The following MTCL1 variants were observed in gnomAD, a reference collection of about 807,000 sequenced individuals.
MTCL1 encodes the protein microtubule cross-linking factor 1.
In MTCL1, 79 loss-of-function variants were observed where a neutral mutation model predicts 141.4. That is an observed-to-expected ratio of 0.56 (90% CI 0.47 to 0.67). MTCL1 has a LOEUF of 0.67. MTCL1 is among the 30% of genes least tolerant of loss of function. MTCL1 has a pLI of 0.00. For missense variants in MTCL1, 2,177 were observed against 2,113.9 expected (o/e 1.03, Z -0.59); for synonymous variants, 914 against 875.8 (o/e 1.04, Z -0.77).
At position 8,705,901 on chromosome 18, in the gene MTCL1, G is replaced by A; in HGVS notation, c.241G>A (p.Ala81Thr). The A allele has an allele frequency of 9.1e-7, 1 of 1,098,016 alleles. No homozygotes were observed. Among genetic ancestry groups the A allele is most frequent in the Non-Finnish European group, 1.1e-6 (1 of 903,342 alleles). 68.0% of individuals were successfully genotyped at this position (1,098,016 alleles called of 1,614,324 possible). ...CGCCGCCCCGCGCTCGCCCAACCTC[G>A]CGGGCAAAGCGCCGCCCTCGCCGGG... is the stretch of plus-strand genomic sequence containing the variant. Residue 81 changes from alanine to threonine, a missense_variant, in exon 1 of 14, where the codon GCG becomes ACG. Coordinates refer to the MTCL1 transcript ENST00000306329. The surrounding 1 kb of genome is among the most constrained non-coding windows in gnomAD (Gnocchi z 5.2).
chr18:8,762,116 A>C (rs1334149366), intron 4 of MTCL1, among the ~76,000 whole-genome samples: 1 of 152,080 alleles, frequency 6.6e-6, no homozygotes, highest in Admixed American at 6.5e-5. Flanking sequence ...CCTTCTGGTG[A>C]TTGTGAATTG....
chr18:8,786,476 T>G, intron 7 of MTCL1: 7 of 401,168 alleles, frequency 1.7e-5, no homozygotes, highest in Non-Finnish European at 3.0e-5. Flanking sequence ...CTCCTTAGAG[T>G]TCCCCTTTTC....
chr18:8,776,184 G>A (rs2096507609), intron 4 of MTCL1, among the ~76,000 whole-genome samples: 1 of 152,204 alleles, frequency 6.6e-6, no homozygotes, highest in African/African-American at 2.4e-5. Context: ...AGAGGGGAGG[G>A]AGGTGGGCGT....
chr18:8,809,357 C>G, intron 11 of MTCL1: 1 of 1,462,284 alleles, frequency 6.8e-7, no homozygotes, highest in Non-Finnish European at 9.2e-7. Flanking sequence ...ACATAGGCAA[C>G]AAGCCCAACA....
At chr18:8,800,907 C>G (rs1380044537) in intron 10 of MTCL1, 1 of 55,792 alleles carries the variant, frequency 1.8e-5, no homozygotes, top group Non-Finnish European at 3.8e-5. Flanking sequence ...AGTAAAACAA[C>G]TAAGTAAAAA....
At chr18:8,726,849 G>GT (rs1455112395) in intron 4 of MTCL1, among the ~76,000 whole-genome samples, 3 of 152,186 alleles carry the variant, frequency 2.0e-5, no homozygotes, top group Non-Finnish European at 4.4e-5. Flanking sequence ...TGCTGCATGA[G>GT]TATCTTGCAT....
chr18:8,799,732 A>G (rs980698071), intron 10 of MTCL1, among the ~76,000 whole-genome samples: 1 of 152,236 alleles, frequency 6.6e-6, no homozygotes. Flanking sequence ...CGTGTTTCCC[A>G]CGCATTCACG....
exon 6 of MTCL1, chr18:8,783,699 C>A (rs1461250430): frequency 6.2e-7 from 1 of 1,608,682 alleles, no homozygotes; most frequent in Admixed American, 1.7e-5. Context: ...ACGGGGGAAG[C>A]AGGCGGGCCC....
chr18:8,820,479 G>C (rs2144378737), intron 13 of MTCL1, among the ~76,000 whole-genome samples: 1 of 152,266 alleles, frequency 6.6e-6, no homozygotes, highest in East Asian at 1.9e-4. Flanking sequence ...CTATCATTTG[G>C]TCTCCTAAAC....
At chr18:8,792,542 G>GA (rs535526143) in intron 7 of MTCL1, among the ~76,000 whole-genome samples, 540 of 152,242 alleles carry the variant, frequency 3.5e-3, no homozygotes, top group African/African-American at 0.013. Context: ...GAAAGCATAT[G>GA]AAAAAATTAA....
At chr18:8,791,997 T>C (rs1190461679) in intron 7 of MTCL1, among the ~76,000 whole-genome samples, 2 of 152,186 alleles carry the variant, frequency 1.3e-5, no homozygotes, top group Admixed American at 6.5e-5. Context: ...TTGCATTTTC[T>C]GTTCTTGGGT....
chr18:8,714,035 C>T (rs1418689912), upstream of MTCL1, among the ~76,000 whole-genome samples: 6 of 152,198 alleles, frequency 3.9e-5, no homozygotes, highest in East Asian at 1.9e-4. Flanking sequence ...TGCTTTGTGT[C>T]GTCACTTGTC....
At chr18:8,739,543 A>G (rs1330700605) in intron 4 of MTCL1, among the ~76,000 whole-genome samples, 1 of 152,160 alleles carries the variant, frequency 6.6e-6, no homozygotes. Context: ...ATCAACAACA[A>G]CATCTTTCAT....
chr18:8,720,399 C>T (rs374627418), exon 4 of MTCL1: 3 of 1,613,926 alleles, frequency 1.9e-6, no homozygotes, highest in African/African-American at 2.7e-5. Context: ...GAAAAGCGCG[C>T]TAAAGCTGAG....
exon 1 of MTCL1, chr18:8,706,352 G>A: frequency 8.1e-7 from 1 of 1,230,560 alleles, no homozygotes; most frequent in Non-Finnish European, 1.0e-6. Context: ...CCTGCCGCCA[G>A]CAGCGACGCC....
chr18:8,743,465 G>T (rs140846033), intron 4 of MTCL1, among the ~76,000 whole-genome samples: 1 of 152,180 alleles, frequency 6.6e-6, no homozygotes, highest in Admixed American at 6.5e-5. Flanking sequence ...GGCTTAAAAC[G>T]ACACAAATTT....
intron 11 of MTCL1, among the ~76,000 whole-genome samples, chr18:8,808,784 A>C (rs1209805564): frequency 1.3e-5 from 2 of 152,258 alleles, no homozygotes; most frequent in Non-Finnish European, 2.9e-5. Context: ...AACATCCAGC[A>C]ACAAATCAGA....
intron 6 of MTCL1, 23 bp from the exon 6 acceptor site, chr18:8,785,913 A>C (rs748487832): frequency 1.2e-5 from 18 of 1,547,872 alleles, no homozygotes; most frequent in Non-Finnish European, 1.6e-5. Flanking sequence ...AACAACAACA[A>C]ATTCCTCCCG....
intron 13 of MTCL1, among the ~76,000 whole-genome samples, chr18:8,820,313 G>A (rs1387188116): frequency 6.6e-6 from 1 of 152,108 alleles, no homozygotes; most frequent in African/African-American, 2.4e-5. Context: ...GGGAGACTGA[G>A]GCAGGAGAAT....
Sources: allele counts gnomAD v4.1 joint callset (sites outside exome capture counted in the v4.1 genomes callset), GRCh38; gene constraint gnomAD v4.1.1; non-coding constraint Gnocchi (gnomAD v3.1); transcripts MANE v1.5; gene names NCBI Gene and HGNC (gene_info 2026-07-23, HGNC 2026-07-21).